CERS1: variants seen among roughly 807,000 people sequenced by gnomAD.
CERS1 encodes the protein Embryonic growth/differentiation factor 1.
CERS1 carries 16 observed loss-of-function variants against 35.7 expected under a neutral mutation model. The ratio of observed to expected loss-of-function variants is 0.45; its 90% CI spans 0.30 to 0.68. The LOEUF is 0.68. CERS1 is among the 30% of genes least tolerant of loss of function. CERS1 has a pLI of 0.08. For synonymous variants in CERS1, 243 were observed against 201.6 expected, an observed-to-expected ratio of 1.21 and a Z score of -1.74; for missense variants, 454 against 453.9, an observed-to-expected ratio of 1.00 and a Z score of 0.00.
In CERS1 at chr19:18,880,306, T is replaced by C; in HGVS notation, c.720A>G (p.Ala240=). The C allele has an allele frequency of 1.9e-6, 3 of 1,552,570 alleles. No homozygotes were observed. Among genetic ancestry groups the C allele is most frequent in the Non-Finnish European group, 2.6e-6 (3 of 1,148,162 alleles). The change falls in exon 4 of 8, where the codon GCA becomes GCG. Residue 240 remains alanine (A), a synonymous_variant. Coordinates refer to ENST00000623882, the MANE Select transcript of CERS1 (RefSeq NM_021267.5). ...GSYHRLHALA[A]DLGCLSFGFS... ...AGCCGAAGCTGAGGCAGCCCAAGTC[T>C]GCTGCCAAGGCATGCAGCCGATGGT...
intron 6 of CERS1, among the ~76,000 whole-genome samples, chr19:18,872,039 C>G (rs1229439847): frequency 6.6e-6 from 1 of 152,214 alleles, no homozygotes; most frequent in Non-Finnish European, 1.5e-5. Context: ...CCCGTGCTTT[C>G]CATTCCTGCC....
Position 18,880,322 on chromosome 19 carries a change from A to G in CERS1, c.704T>C (p.Leu235Pro). ...GCCCAAGTCTGCTGCCAAGGCATGC[A>G]GCCGATGGTAGGAGCCGCCGCGGGA... ...FKSRGGSYHR[L>P]HALAADLGCL... Residue 235 changes from leucine to proline, a missense_variant, in exon 4 of 8, where the codon CTG (leucine) becomes CCG (proline). By Grantham distance (98) the Leu-to-Pro change is moderately conservative. Transcript: ENST00000623882. The G allele has an allele frequency of 6.4e-7, 1 of 1,553,634 alleles. No individual in the cohort carries two copies. The highest frequency in any genetic ancestry group is 8.7e-7 in the Non-Finnish European group (1 of 1,148,720).
In CERS1 at chr19:18,868,807, G is replaced by A. The variant is rs1172241719; in HGVS notation, c.*1178C>T. On this transcript the variant is annotated 3_prime_UTR_variant, in exon 8 of 8. Coordinates refer to ENST00000623882, the MANE Select transcript of CERS1 (RefSeq NM_021267.5). Reference sequence around the variant, plus strand: ...GCCCCCCGGACCCCGACAGCGCGACGGGCAGCGCGCACTGACCCTGGCAGT... The same window carrying A: ...GCCCCCCGGACCCCGACAGCGCGACAGGCAGCGCGCACTGACCCTGGCAGT... 1.4e-6 allele frequency: 2 copies of A among 1,456,048 alleles called. No homozygotes were observed. The highest frequency in any genetic ancestry group is 1.8e-6 in the Non-Finnish European group (2 of 1,094,014). 90.2% of individuals were successfully genotyped at this position (1,456,048 alleles called of 1,614,324 possible).
Position 18,869,119 on chromosome 19 carries a change from C to T in CERS1, c.*866G>A. 5 of 1,090,170 alleles carry T rather than the reference C, an allele frequency of 4.6e-6. No homozygotes were observed. The highest frequency in any genetic ancestry group is 4.5e-6 in the Non-Finnish European group (4 of 896,522). 67.5% of individuals were successfully genotyped at this position (1,090,170 alleles called of 1,614,324 possible). A position where few individuals can be genotyped will look rare whatever the true frequency, so the allele number is the denominator to read the frequency against. On this transcript the variant is annotated 3_prime_UTR_variant, in exon 8 of 8. Coordinates refer to ENST00000623882, the MANE Select transcript of CERS1 (RefSeq NM_021267.5). ...AGGCGTTGCGAGCCCAAGCGGCGCC[C>T]AGCAGCTCCGCGCGCACTGGCGGCC... is the stretch of plus-strand genomic sequence containing the variant.
At chr19:18,887,736 C>T (rs1568304235) in intron 2 of CERS1, among the ~76,000 whole-genome samples, 1 of 139,900 alleles carries the variant, frequency 7.1e-6, no homozygotes, top group South Asian at 2.3e-4. Flanking sequence ...AAGAGTGAAA[C>T]TCCATCTCAA....
In CERS1 at chr19:18,878,482, C is replaced by T. The variant is rs551798078; in HGVS notation, c.1010+448G>A. 2.4e-4 allele frequency: 237 copies of T among 995,214 alleles called. No homozygotes were observed. Among genetic ancestry groups the T allele is most frequent in the South Asian group, 4.0e-4 (9 of 22,566 alleles). 61.6% of individuals were successfully genotyped at this position (995,214 alleles called of 1,614,324 possible). A position where few individuals can be genotyped will look rare whatever the true frequency, so the allele number is the denominator to read the frequency against. ...GTCAAACTCAGAGGCCAGGATGTCT[C>T]GGCCCAGATGGAGCCTGGGTTCTCT... On this transcript the variant is annotated intron_variant, in intron 6 of 7. Transcript: ENST00000623882. This position sits in a 1 kb window ranked among gnomAD's most constrained non-coding sequence, Gnocchi z 4.6.
intron 7 of CERS1, among the ~76,000 whole-genome samples, 156 bp downstream of exon 7, chr19:18,869,827 A>G (rs567250770): frequency 6.6e-6 from 1 of 152,072 alleles, no homozygotes; most frequent in African/African-American, 2.4e-5. Context: ...GCAGATGACG[A>G]GGAAAGGGTG....
chr19:18,888,127 A>G, intron 2 of CERS1, among the ~76,000 whole-genome samples: 1 of 152,218 alleles, frequency 6.6e-6, no homozygotes. Flanking sequence ...TGGGAGGCCA[A>G]GGTGGGTGGA....
chr19:18,869,303 G>A lies in CERS1; in HGVS notation c.*682C>T. On this transcript the variant is annotated 3_prime_UTR_variant, in exon 8 of 8. Transcript: ENST00000623882. ...GCGGGCCCGGCTCGGGCGCTCAGCGGGTTCCACAGCCGACAGGTCGAAGAC... is the reference window on the plus strand; with the variant it reads ...GCGGGCCCGGCTCGGGCGCTCAGCGAGTTCCACAGCCGACAGGTCGAAGAC... 2.0e-6 allele frequency: 3 copies of A among 1,517,238 alleles called. No homozygotes were observed. The highest frequency in any genetic ancestry group is 2.6e-6 in the Non-Finnish European group (3 of 1,140,026). 94.0% of individuals were successfully genotyped at this position (1,517,238 alleles called of 1,614,324 possible).
chr19:18,880,399 G>A lies in CERS1; in HGVS notation c.627C>T (p.His209=), dbSNP rs774025010. 6.9e-6 allele frequency: 11 copies of A among 1,589,578 alleles called. No homozygotes were observed. Among genetic ancestry groups the A allele is most frequent in the African/African-American group, 1.3e-5 (1 of 74,436 alleles). ...ACTCAAGCTGCACGTCACTGATATC[G>A]TGCAGGAAGAGCACAAGGATGCCCA... is the stretch of plus-strand genomic sequence containing the variant. The part of the protein sequence containing the change: ...HNVGILVLFL[H]DISDVQLEFT... Residue 209 remains histidine, a synonymous_variant, in exon 4 of 8, where the codon CAC becomes CAT. Transcript: ENST00000623882.
In CERS1 at chr19:18,895,857, G is replaced by GCGGTCCAGCGCAGC; in HGVS notation, c.215_216insGCTGCGCTGGACCG (p.Ser75TrpfsTer225). The GCGGTCCAGCGCAGC allele has an allele frequency of 7.7e-7, 1 of 1,296,480 alleles. No individual in the cohort carries two copies. Among genetic ancestry groups the GCGGTCCAGCGCAGC allele is most frequent in the Non-Finnish European group, 9.8e-7 (1 of 1,022,134 alleles). 80.3% of individuals were successfully genotyped at this position (1,296,480 alleles called of 1,614,324 possible). ...GGCGCGCAGTGGCCGCGGAGCGCAG[G>GCGGTCCAGCGCAGC]GCGGTCCAGCCCAGCGCGCCGAGCG... On this transcript the variant is annotated frameshift_variant, in exon 1 of 8. Transcript: ENST00000623882. LOFTEE classifies it high-confidence loss of function. The surrounding 1 kb of genome is among the most constrained non-coding windows in gnomAD (Gnocchi z 6.4).
chr19:18,889,622 G>A (rs940126612), intron 2 of CERS1, among the ~76,000 whole-genome samples: 7 of 152,044 alleles, frequency 4.6e-5, no homozygotes, highest in African/African-American at 1.2e-4. Context: ...TAGAGATGGC[G>A]TCTCACTATA....
Position 18,873,252 on chromosome 19 carries a change from G to A in CERS1, c.1011-2633C>T, listed in dbSNP as rs147030785. ...AGAAGATGCTGGAAATGTCAAACAC[G>A]GGAGATGGAGAATGGCACTCAGGGG... On this transcript the variant is annotated intron_variant, in intron 6 of 7. Transcript: ENST00000623882. Among the ~76,000 whole-genome samples the A allele has an allele frequency of 4.1e-4, 63 of 152,244 alleles. No homozygotes were observed. In the East Asian group the frequency reaches 0.01, roughly 25 times the overall value.
chr19:18,871,359 G>A (rs1004314532), intron 6 of CERS1, among the ~76,000 whole-genome samples: 6 of 151,142 alleles, frequency 4.0e-5, no homozygotes, highest in Admixed American at 4.0e-4. Context: ...CCTGAGTAGT[G>A]TGGTGGCACC....
rs1483894247 is a variant in CERS1, at chr19:18,880,408, G to C, written c.618C>G (p.Leu206=). ...FRYHNVGILV[L]FLHDISDVQL... The stretch of plus-strand genomic sequence containing the variant: ...GCACGTCACTGATATCGTGCAGGAA[G>C]AGCACAAGGATGCCCACATTGTGGT... Residue 206 remains leucine (L), a synonymous_variant, in exon 4 of 8, where the codon CTC becomes CTG. Coordinates refer to ENST00000623882, the MANE Select transcript of CERS1 (RefSeq NM_021267.5). 1.3e-6 allele frequency: 2 copies of C among 1,591,310 alleles called. No individual in the cohort carries two copies. The highest frequency in any genetic ancestry group is 1.1e-5 in the South Asian group (1 of 87,406).
intron 6 of CERS1, among the ~76,000 whole-genome samples, chr19:18,872,448 C>T (rs1303291629): frequency 2.0e-5 from 3 of 151,686 alleles, no homozygotes; most frequent in African/African-American, 7.3e-5. Flanking sequence ...CCCAGGTTCA[C>T]GGGATTCTCC....
chr19:18,872,318 G>C (rs1267927404), intron 6 of CERS1, among the ~76,000 whole-genome samples: 1 of 152,164 alleles, frequency 6.6e-6, no homozygotes, highest in African/African-American at 2.4e-5. Context: ...CCACCTTGGG[G>C]GAGATAGCTT....
chr19:18,869,371 C>T lies in CERS1; in HGVS notation c.*614G>A, dbSNP rs771475316. ...AATGCCCCGCGGCCGAGGCAGGCTC[C>T]GAGGCCCGGGTGGGCGCACCTGGGG... On this transcript the variant is annotated 3_prime_UTR_variant, in exon 8 of 8. Transcript: ENST00000623882. 80 of 1,529,956 alleles carry T rather than the reference C, an allele frequency of 5.2e-5. No individual in the cohort carries two copies. In the Middle Eastern group the frequency reaches 1.8e-3, roughly 35 times the overall value. The allele number at this position is 1,529,956 out of a possible 1,614,324, so 94.8% of individuals were successfully genotyped here. A position where few individuals can be genotyped will look rare whatever the true frequency, so the allele number is the denominator to read the frequency against.
intron 6 of CERS1, among the ~76,000 whole-genome samples, chr19:18,877,197 T>C (rs1326097662): frequency 6.6e-6 from 1 of 152,242 alleles, no homozygotes; most frequent in African/African-American, 2.4e-5. Context: ...CATGCTTTGC[T>C]GTCCTAGAGG....
Sources: allele counts gnomAD v4.1 joint callset (sites outside exome capture counted in the v4.1 genomes callset), GRCh38; gene constraint gnomAD v4.1.1; non-coding constraint Gnocchi (gnomAD v3.1); transcripts MANE v1.5; gene names NCBI Gene and HGNC (gene_info 2026-07-23, HGNC 2026-07-21).